The following CACNA2D3 variants were observed in gnomAD, a reference collection of about 807,000 sequenced individuals.
CACNA2D3 encodes voltage-dependent calcium channel subunit alpha-2/delta-3.
CACNA2D3 carries 60 observed loss-of-function variants against 160.6 expected under a neutral mutation model. The ratio of observed to expected loss-of-function variants is 0.37; its 90% confidence interval spans 0.30 to 0.46. The LOEUF (loss-of-function observed/expected upper bound fraction) is 0.46, where lower values mean the gene tolerates loss of function less well. Ranked by LOEUF, CACNA2D3 falls within the 20% of genes least tolerant of loss-of-function variation. The pLI is 1.00. For missense variants in CACNA2D3, 1,205 were observed against 1,365.0 expected (o/e 0.88, Z 1.85); for synonymous variants, 558 against 492.9 (o/e 1.13, Z -1.75).
chr3:54,150,699 C>T (rs1411955889), intron 2 of CACNA2D3, among the ~76,000 whole-genome samples: 1 of 152,148 alleles, frequency 6.6e-6, no homozygotes, highest in African/African-American at 2.4e-5. Context: ...GTAAGTCATA[C>T]ATGAAAACAA....
chr3:54,990,162 T>C, intron 31 of CACNA2D3, among the ~76,000 whole-genome samples: 1 of 152,176 alleles, frequency 6.6e-6, no homozygotes, highest in South Asian at 2.1e-4. Context: ...TGCTGACCCC[T>C]CATCTCAGCA....
intron 27 of CACNA2D3, among the ~76,000 whole-genome samples, chr3:54,903,800 A>C (rs1575542856): frequency 6.6e-6 from 1 of 152,136 alleles, no homozygotes; most frequent in African/African-American, 2.4e-5. Context: ...GCATTTATCT[A>C]ATGATCAGTG....
intron 3 of CACNA2D3, among the ~76,000 whole-genome samples, chr3:54,341,163 C>G (rs889000289): frequency 2.0e-5 from 3 of 152,216 alleles, no homozygotes; most frequent in African/African-American, 7.2e-5. Flanking sequence ...TGAGCTAATA[C>G]TTCTCCTATG....
intron 31 of CACNA2D3, among the ~76,000 whole-genome samples, chr3:54,998,127 CTT>C (rs752805359): frequency 5.1e-4 from 65 of 126,930 alleles, no homozygotes; most frequent in Middle Eastern, 4.3e-3. Context: ...TCAATTAATT[CTT>C]TTTTTTTTTT....
chr3:54,694,115 T>A (rs1416372988), intron 11 of CACNA2D3, among the ~76,000 whole-genome samples: 1 of 152,216 alleles, frequency 6.6e-6, no homozygotes, highest in Non-Finnish European at 1.5e-5. Context: ...CAAGCTCCAT[T>A]CATGGTGAGT....
chr3:54,800,170 A>G (rs1157845734), intron 13 of CACNA2D3, among the ~76,000 whole-genome samples: 1 of 152,202 alleles, frequency 6.6e-6, no homozygotes, highest in Admixed American at 6.5e-5. Flanking sequence ...TCCAAAATGA[A>G]TGCTGCAGAA....
At chr3:54,298,442 C>T (rs144501221) in intron 2 of CACNA2D3, among the ~76,000 whole-genome samples, 184 of 152,270 alleles carry the variant, frequency 1.2e-3, no homozygotes, top group African/African-American at 4.1e-3. Flanking sequence ...AACCGACAGA[C>T]GAGAGTTATT....
intron 27 of CACNA2D3, among the ~76,000 whole-genome samples, chr3:54,916,361 C>T (rs6782759): frequency 0.13 from 19,308 of 152,166 alleles, 1,247 homozygotes; most frequent in Middle Eastern, 0.16. Flanking sequence ...GTCACTACGT[C>T]CATAAAGAAG....
At chr3:54,300,557 C>A (rs1032625768) in intron 2 of CACNA2D3, among the ~76,000 whole-genome samples, 1 of 152,222 alleles carries the variant, frequency 6.6e-6, no homozygotes, top group Non-Finnish European at 1.5e-5. Flanking sequence ...CATCTTCATT[C>A]ATGCCTTTTC....
At chr3:54,638,628 G>A (rs1349700798) in intron 10 of CACNA2D3, 1 of 151,868 alleles carries the variant, frequency 6.6e-6, no homozygotes, top group Non-Finnish European at 1.5e-5. Flanking sequence ...GGGGACAGGC[G>A]GGAGGGAAAG....
At chr3:54,626,476 A>G in intron 9 of CACNA2D3, 2 of 1,606,136 alleles carry the variant, frequency 1.2e-6, no homozygotes, top group Non-Finnish European at 1.7e-6. Context: ...CCTGCCCGAG[A>G]TGGTGGGCAG....
At chr3:54,925,830 T>C (rs1700998419) in intron 27 of CACNA2D3, among the ~76,000 whole-genome samples, 2 of 152,228 alleles carry the variant, frequency 1.3e-5, no homozygotes, top group South Asian at 2.1e-4. Flanking sequence ...GGTTACTGTA[T>C]TGGATAGGGC....
chr3:54,710,225 A>G (rs1018073093), intron 11 of CACNA2D3, among the ~76,000 whole-genome samples: 3 of 152,240 alleles, frequency 2.0e-5, no homozygotes, highest in African/African-American at 7.2e-5. Flanking sequence ...TTAATGGCAA[A>G]TTGTGGTAAG....
At chr3:54,457,065 G>A (rs1372578692) in intron 4 of CACNA2D3, among the ~76,000 whole-genome samples, 2 of 150,364 alleles carry the variant, frequency 1.3e-5, no homozygotes, top group African/African-American at 4.9e-5. Context: ...ATCTTTTTTT[G>A]TTCTGTTGGT....
chr3:54,959,351 G>A (rs2107041327), intron 27 of CACNA2D3, among the ~76,000 whole-genome samples: 1 of 152,330 alleles, frequency 6.6e-6, no homozygotes, highest in Non-Finnish European at 1.5e-5. Context: ...GCTTGGGCAA[G>A]TTCTTTGCCA....
chr3:55,032,969 G>C (rs1047592010), intron 35 of CACNA2D3, among the ~76,000 whole-genome samples: 2 of 151,960 alleles, frequency 1.3e-5, no homozygotes, highest in Admixed American at 6.6e-5. Flanking sequence ...GGCGGGGGTT[G>C]TGTGTAATTC....
chr3:54,660,612 C>T (rs1031267116), intron 11 of CACNA2D3, among the ~76,000 whole-genome samples: 9 of 152,204 alleles, frequency 5.9e-5, no homozygotes, highest in African/African-American at 2.2e-4. Flanking sequence ...CTGAGGCTCC[C>T]AATGCCAAAT....
At chr3:54,629,021 C>T (rs1350420822) in intron 10 of CACNA2D3, among the ~76,000 whole-genome samples, 2 of 152,146 alleles carry the variant, frequency 1.3e-5, no homozygotes, top group South Asian at 2.1e-4. Context: ...GACCTTGATT[C>T]TTTCCTTGCT....
intron 2 of CACNA2D3, among the ~76,000 whole-genome samples, chr3:54,287,761 G>T (rs1703071409): frequency 6.7e-6 from 1 of 148,500 alleles, no homozygotes; most frequent in African/African-American, 2.5e-5. Flanking sequence ...TAGAACTCAG[G>T]ATTAAGAATC....
Sources: allele counts gnomAD v4.1 joint callset (sites outside exome capture counted in the v4.1 genomes callset), GRCh38; gene constraint gnomAD v4.1.1; transcripts MANE v1.5; gene names NCBI Gene and HGNC (gene_info 2026-07-23, HGNC 2026-07-21).